TRO: variants seen among roughly 807,000 people sequenced by gnomAD.
TRO encodes the protein MAGE superfamily protein.
Under a neutral mutation model 42.3 loss-of-function variants are expected in TRO, and 29 were observed. The observed-to-expected ratio is 0.68, with a 90% CI of 0.51 to 0.93. The LOEUF (loss-of-function observed/expected upper bound fraction) is 0.93. Among genes scored for constraint, TRO ranks in the 40% least tolerant of loss-of-function variants. TRO has a pLI of 0.00. For synonymous variants in TRO, 384 were observed against 425.2 expected, an observed-to-expected ratio of 0.90 and a Z score of 1.19; for missense variants, 963 against 1,127.7, an observed-to-expected ratio of 0.85 and a Z score of 2.09.
rs1602144430 is a variant in TRO, at chrX:54,926,981, T to C, written c.1701-62T>C. The C allele has an allele frequency of 1.4e-5, 16 of 1,158,501 alleles. No individual in the cohort carries two copies. In the East Asian group the frequency reaches 4.8e-4, roughly 35 times the overall value. On this transcript the variant is annotated intron_variant, in intron 9 of 12. Transcript: ENST00000173898. ...GAGAGGTCTCTTCCATGTTGGGAAA[T>C]GCCTCTGCCCTCATCTGGGCAGTTC... is the stretch of plus-strand genomic sequence containing the variant.
chrX:54,925,504 G>A (rs1256680217), intron 6 of TRO, 88 bp from the exon 7 acceptor site: 4 of 772,462 alleles, frequency 5.2e-6, no homozygotes, highest in Non-Finnish European at 7.7e-6. Flanking sequence ...GACCCCCTAA[G>A]TACACTGGGA....
chrX:54,931,335 G>A lies in TRO; in HGVS notation c.*143G>A. ...ATGGCCAATCAGCTGAGGGTGTCAT[G>A]TGATGGAAAAATCTGTTTGCTGTTC... is the stretch of plus-strand genomic sequence containing the variant. On this transcript the variant is annotated 3_prime_UTR_variant, in exon 13 of 13. Transcript: ENST00000173898. 6 of 1,209,002 alleles carry A rather than the reference G, an allele frequency of 5.0e-6. No homozygotes were observed. The highest frequency in any genetic ancestry group is 6.7e-6 in the Non-Finnish European group (6 of 893,272).
chrX:54,929,711 G>C lies in TRO; in HGVS notation c.2987G>C (p.Ser996Thr). ...GGTTTTGGTGGTGCTATGAGCACCA[G>C]TGCTGACTTTGGCGGTACACTAAGC... ...STGFGGAMST[S>T]ADFGGTLSTS... is the part of the protein sequence containing the mutation. The change falls in exon 12 of 13, where the codon AGT becomes ACT. Residue 996 changes from serine (S) to threonine (T), a missense_variant. By Grantham distance (58) the Ser-to-Thr change is moderately conservative (BLOSUM62 1). Around this residue, in one of 2 missense-constraint regions of TRO, gnomAD observed 641 missense variants for 811.3 expected, o/e 0.79. Transcript: ENST00000173898. The C allele has an allele frequency of 8.3e-7, 1 of 1,211,458 alleles. No homozygotes were observed. The highest frequency in any genetic ancestry group is 1.8e-5 in the South Asian group (1 of 56,978).
chrX:54,927,019 A>T, intron 9 of TRO, 24 bp from the exon 10 acceptor site: 1 of 1,210,086 alleles, frequency 8.3e-7, no homozygotes, highest in Non-Finnish European at 1.1e-6. Flanking sequence ...ATCTGTGTTC[A>T]TGGGTTATTT....
Position 54,929,993 on chromosome X carries a change from G to A in TRO, c.3269G>A (p.Ser1090Asn). The part of the protein sequence containing the change: ...SGAVSTSACF[S>N]GAPITNPGFG... ...GCTGTCAGCACCAGTGCTTGCTTCA[G>A]TGGTGCACCAATCACCAACCCTGGC... Residue 1090 changes from serine (S) to asparagine (N), a missense_variant, in exon 12 of 13, where the codon AGT becomes AAT. Coordinates refer to ENST00000173898, the MANE Select transcript of TRO (RefSeq NM_001039705.3). 2.5e-6 allele frequency: 3 copies of A among 1,212,218 alleles called. No homozygotes were observed. Among genetic ancestry groups the A allele is most frequent in the African/African-American group, 1.7e-5 (1 of 57,976 alleles).
At chrX:54,924,942 T>C (rs2146545572) in intron 5 of TRO, 47 bp from the exon 6 acceptor site, 1 of 1,161,013 alleles carries the variant, frequency 8.6e-7, no homozygotes, top group East Asian at 3.0e-5. Context: ...GCTGCAGCTC[T>C]GTGGCCCCTG....
At position 54,924,794 on chromosome X, in the gene TRO, T is replaced by A. The variant is rs1375792979; in HGVS notation, c.1405+61T>A. ...TCTCCACTCCCCTCTCCTCCCATAG[T>A]CTGGGAGTAACACTTTATGGCCTCT... On this transcript the variant is annotated intron_variant, in intron 5 of 12. Transcript: ENST00000173898. 7 of 1,115,640 alleles carry A rather than the reference T, an allele frequency of 6.3e-6. No individual in the cohort carries two copies. In the African/African-American group the frequency reaches 9.0e-5, roughly 14 times the overall value. 91.9% of individuals were successfully genotyped at this position (1,115,640 alleles called of 1,213,427 possible).
rs769782791 is a variant in TRO at position 54,930,323 on chromosome X, G to A, written c.3599G>A (p.Gly1200Asp). 1.7e-6 allele frequency: 2 copies of A among 1,212,092 alleles called. No individual in the cohort carries two copies. Among genetic ancestry groups the A allele is most frequent in the East Asian group, 5.9e-5 (2 of 33,858 alleles). ...AGCACCAGTACCGGTTTCAGCTTTG[G>A]CAATGGGTTAAGCACCAATGCTGGA... The part of the protein sequence containing the change: ...GPSTSTGFSF[G>D]NGLSTNAGFG... The change falls in exon 12 of 13, where the codon GGC becomes GAC. Residue 1200 changes from glycine to aspartate, a missense_variant. Physicochemically the swap from Gly to Asp is moderately conservative, Grantham distance 94. Around this residue, in one of 2 missense-constraint regions of TRO, gnomAD observed 641 missense variants for 811.3 expected, o/e 0.79. Transcript: ENST00000173898.
At position 54,930,088 on chromosome X, in the gene TRO, A is replaced by C; in HGVS notation, c.3364A>C (p.Thr1122Pro). The C allele has an allele frequency of 8.3e-7, 1 of 1,200,490 alleles. No homozygotes were observed. The highest frequency in any genetic ancestry group is 1.1e-6 in the Non-Finnish European group (1 of 891,417). The change falls in exon 12 of 13, where the codon ACT (threonine) becomes CCT (proline). Residue 1122 changes from threonine (T) to proline (P), a missense_variant. Coordinates refer to ENST00000173898, the MANE Select transcript of TRO (RefSeq NM_001039705.3). Reference sequence around the variant, plus strand: ...TAGTACCGCTGCTGACTTCGGTGGTACTCCCAGCAACAGCATTGGCTTTGG... The same window carrying C: ...TAGTACCGCTGCTGACTTCGGTGGTCCTCCCAGCAACAGCATTGGCTTTGG... Reference protein sequence around the residue: ...ALSTAADFGGTPSNSIGFGAA... With the variant: ...ALSTAADFGGPPSNSIGFGAA...
rs748221975 is a variant in TRO at position 54,929,431 on chromosome X, C to T, written c.2707C>T (p.Pro903Ser). ...CACCAGTGTCTGTTTTGGTGGCTCT[C>T]CCAGCTCCAGTGGTAGCTTTGGTGG... ...LSTSVCFGGS[P>S]SSSGSFGGTL... is the part of the protein sequence containing the mutation. The change falls in exon 12 of 13, where the codon CCC becomes TCC. Residue 903 changes from proline to serine, a missense_variant. By Grantham distance (74) the Pro-to-Ser change is moderately conservative. Coordinates refer to ENST00000173898, the MANE Select transcript of TRO (RefSeq NM_001039705.3). The T allele has an allele frequency of 2.4e-5, 29 of 1,210,975 alleles. No homozygotes were observed. The African/African-American group carries it at 3.0e-4, about 12-fold the overall frequency.
At position 54,931,255 on chromosome X, in the gene TRO, C is replaced by T. The variant is rs1208018668; in HGVS notation, c.*63C>T. The T allele has an allele frequency of 8.3e-7, 1 of 1,210,336 alleles. No homozygotes were observed. Among genetic ancestry groups the T allele is most frequent in the Admixed American group, 2.2e-5 (1 of 45,815 alleles). On this transcript the variant is annotated 3_prime_UTR_variant, in exon 13 of 13. Transcript: ENST00000173898. ...GCTAATAAATTGCAGTAGTCCTTCCCATGGAGCCAAAGTACATCCTTGGAA... is the reference window on the plus strand; with the variant it reads ...GCTAATAAATTGCAGTAGTCCTTCCTATGGAGCCAAAGTACATCCTTGGAA...
chrX:54,923,007 C>T lies in TRO; in HGVS notation c.475C>T (p.His159Tyr). 13 of 1,212,077 alleles carry T rather than the reference C, an allele frequency of 1.1e-5. No homozygotes were observed. The highest frequency in any genetic ancestry group is 1.2e-5 in the Non-Finnish European group (11 of 895,621). Residue 159 changes from histidine to tyrosine, a missense_variant, in exon 3 of 13, where the codon CAT becomes TAT. His to Tyr is a moderately conservative substitution (Grantham distance 83). Around this residue, in one of 2 missense-constraint regions of TRO, gnomAD observed 322 missense variants for 316.5 expected, o/e 1.02. Coordinates refer to ENST00000173898, the MANE Select transcript of TRO (RefSeq NM_001039705.3). Reference protein sequence around the residue: ...AAQGSQSPTGHEGGTIQLKSP... With the variant: ...AAQGSQSPTGYEGGTIQLKSP... ...CCAAGGCTCCCAATCCCCAACTGGC[C>T]ATGAGGGTGGCACTATACAGCTGAA...
Position 54,923,107 on chromosome X carries a change from G to A in TRO, c.575G>A (p.Ser192Asn). 2 of 1,211,836 alleles carry A rather than the reference G, an allele frequency of 1.7e-6. No homozygotes were observed. The highest frequency in any genetic ancestry group is 2.2e-6 in the Non-Finnish European group (2 of 895,567). The change falls in exon 3 of 13, where the codon AGT becomes AAT. Residue 192 changes from serine to asparagine, a missense_variant. Coordinates refer to ENST00000173898, the MANE Select transcript of TRO (RefSeq NM_001039705.3). ...IHAPIANESASSQALITSIKP... is the reference protein window; with the variant it reads ...IHAPIANESANSQALITSIKP... ...GCTCCAATTGCCAATGAGTCAGCCA[G>A]TTCCCAAGCCTTGATAACCTCTATC... is the stretch of plus-strand genomic sequence containing the variant.
At position 54,927,551 on chromosome X, in the gene TRO, A is replaced by T. The variant is rs187989908; in HGVS notation, c.1764-116A>T. 35 of 520,823 alleles carry T rather than the reference A, an allele frequency of 6.7e-5. No individual in the cohort carries two copies. In the Admixed American group the frequency reaches 8.6e-4, roughly 13 times the overall value. The allele number at this position is 520,823 out of a possible 1,213,427, so 42.9% of individuals were successfully genotyped here. On this transcript the variant is annotated intron_variant, in intron 10 of 12. Transcript: ENST00000173898. ...AGTGAGTCTGGGGCTGGAGGGTCTT[A>T]GAAATCCCTCTCCAGGGGCTGTTTG...
chrX:54,921,566 G>A (rs913172851), intron 1 of TRO: 2 of 107,629 alleles, frequency 1.9e-5, no homozygotes, highest in African/African-American at 6.8e-5. Flanking sequence ...GTGCAGAGAC[G>A]TACCGCAGAG....
Position 54,922,078 on chromosome X carries a change from G to C in TRO, c.-44-125G>C, listed in dbSNP as rs187754797. 6 of 480,379 alleles carry C rather than the reference G, an allele frequency of 1.2e-5. No individual in the cohort carries two copies. In the East Asian group the frequency reaches 2.0e-4, roughly 16 times the overall value. 39.6% of individuals were successfully genotyped at this position (480,379 alleles called of 1,213,427 possible). ...TGGGCCTTGGAAACCAGATGGCCTGGGTTTTTTAGGTATGAAAACCCAGGA... is the reference window on the plus strand; with the variant it reads ...TGGGCCTTGGAAACCAGATGGCCTGCGTTTTTTAGGTATGAAAACCCAGGA... On this transcript the variant is annotated intron_variant, in intron 1 of 12. Coordinates refer to ENST00000173898, the MANE Select transcript of TRO (RefSeq NM_001039705.3).
At chrX:54,928,464 A>T in intron 11 of TRO, 139 bp from the exon 12 acceptor site, 1 of 710,474 alleles carries the variant, frequency 1.4e-6, no homozygotes, top group East Asian at 3.6e-5. Flanking sequence ...CTGAAACTGG[A>T]GTTCAGAACT....
Position 54,922,594 on chromosome X carries a change from C to T in TRO, c.62C>T (p.Pro21Leu), listed in dbSNP as rs60180407. ...VPLFQGPLPP[P>L]GSLGLPFPPD... ...AGTGTGTAGGGCCCTCTGCCTCCCC[C>T]GGGGAGCCTGGGGCTTCCCTTCCCT... is the stretch of plus-strand genomic sequence containing the variant. Residue 21 changes from proline to leucine, a missense_variant, in exon 3 of 13, where the codon CCG (proline) becomes CTG (leucine). Transcript: ENST00000173898. The T allele has an allele frequency of 2.1e-4, 248 of 1,206,812 alleles. 1 individual carries two copies. In the African/African-American group the frequency reaches 3.6e-3, roughly 17 times the overall value.
chrX:54,924,231 G>T (rs942717294), intron 3 of TRO: 7 of 398,636 alleles, frequency 1.8e-5, no homozygotes, highest in Non-Finnish European at 3.0e-5. Flanking sequence ...ATCTTGAGTT[G>T]TTCCTGGCCT....
Sources: allele counts gnomAD v4.1 joint callset, GRCh38; gene constraint gnomAD v4.1.1; regional missense constraint gnomAD v4.1.1; transcripts MANE v1.5; gene names NCBI Gene and HGNC (gene_info 2026-07-23, HGNC 2026-07-21).